The following CNTNAP5 variants were observed in gnomAD, a reference collection of about 807,000 sequenced individuals.
The protein encoded by CNTNAP5 is contactin associated protein family member 5.
In CNTNAP5, 72 loss-of-function variants were observed where a neutral mutation model predicts 150.2. The observed-to-expected ratio is 0.48, with a 90% confidence interval of 0.40 to 0.58. The LOEUF (loss-of-function observed/expected upper bound fraction) is 0.58, where lower values mean the gene tolerates loss of function less well. Among genes scored for constraint, CNTNAP5 ranks in the 20% least tolerant of loss-of-function variants. The pLI, the probability that CNTNAP5 is intolerant of heterozygous loss-of-function variation, is 0.00. For missense variants in CNTNAP5, 1,636 were observed against 1,626.2 expected, an observed-to-expected ratio of 1.01 and a Z score of -0.10; for synonymous variants, 672 against 619.8, an observed-to-expected ratio of 1.08 and a Z score of -1.25.
rs1287460968 is a variant in CNTNAP5 at position 124,600,138 on chromosome 2, CAT to C, written c.1757-9662_1757-9661del. On this transcript the variant is annotated intron_variant, in intron 11 of 23. Coordinates refer to ENST00000682447, the MANE Select transcript of CNTNAP5 (RefSeq NM_001367498.1). The stretch of plus-strand genomic sequence containing the variant: ...TTCCTGAAACAGTTGGTGAATTGCA[CAT>C]GTGTGTTTAACTTTGTTTCCTTACA... 2.6e-5 allele frequency among the ~76,000 whole-genome samples: 4 copies of C among 152,058 alleles called. No individual in the cohort carries two copies. In the East Asian group the frequency reaches 5.8e-4, roughly 22 times the overall value.
At chr2:124,657,111 G>A (rs541471162) in intron 13 of CNTNAP5, among the ~76,000 whole-genome samples, 1 of 152,068 alleles carries the variant, frequency 6.6e-6, no homozygotes, top group East Asian at 1.9e-4. Flanking sequence ...ACTGATAGAG[G>A]GTCTCCCAAT....
intron 11 of CNTNAP5, among the ~76,000 whole-genome samples, chr2:124,595,486 GC>G (rs1477898598): frequency 7.8e-4 from 1 of 1,276 alleles, no homozygotes; most frequent in African/African-American, 1.1e-3. Flanking sequence ...CAGGGATGAA[GC>G]CCACTTGATC....
At chr2:124,733,581 T>C (rs958134884) in intron 13 of CNTNAP5, among the ~76,000 whole-genome samples, 2 of 151,938 alleles carry the variant, frequency 1.3e-5, no homozygotes, top group African/African-American at 4.8e-5. Context: ...CCCAATTTGA[T>C]TGAGGAAGAA....
At chr2:124,818,112 G>A (rs911124335) in intron 19 of CNTNAP5, among the ~76,000 whole-genome samples, 2 of 152,070 alleles carry the variant, frequency 1.3e-5, no homozygotes, top group Admixed American at 6.6e-5. Flanking sequence ...TATATGACAT[G>A]GAAGCTGAGG....
rs552463191 is a variant in CNTNAP5 at position 124,710,361 on chromosome 2, G to A, written c.2078-36868G>A. 1.9e-4 allele frequency among the ~76,000 whole-genome samples: 29 copies of A among 152,234 alleles called. No homozygotes were observed. In the South Asian group the frequency reaches 5.6e-3, roughly 29 times the overall value. ...TTCCATCTTGCAAATTTCTTCATAA[G>A]CAAAATAAAACAAGCTTTGGTAGGG... On this transcript the variant is annotated intron_variant, in intron 13 of 23. Coordinates refer to ENST00000682447, the MANE Select transcript of CNTNAP5 (RefSeq NM_001367498.1).
chr2:124,718,015 T>C (rs1291692291), intron 13 of CNTNAP5, among the ~76,000 whole-genome samples: 3 of 152,188 alleles, frequency 2.0e-5, no homozygotes, highest in East Asian at 1.9e-4. Flanking sequence ...TTCATGTCTA[T>C]GTTACATTAA....
At chr2:124,464,804 G>A (rs1249729228) in intron 6 of CNTNAP5, among the ~76,000 whole-genome samples, 1 of 152,126 alleles carries the variant, frequency 6.6e-6, no homozygotes, top group Non-Finnish European at 1.5e-5. Context: ...GCTGATGATG[G>A]TGTGTTTCTC....
At chr2:124,125,862 C>CAA (rs1238691542) in intron 1 of CNTNAP5, among the ~76,000 whole-genome samples, 3 of 152,028 alleles carry the variant, frequency 2.0e-5, no homozygotes, top group African/African-American at 7.2e-5. Context: ...TCTTTGAAAC[C>CAA]CGTGAGAAAA....
chr2:124,336,619 G>A (rs569815806), intron 3 of CNTNAP5, among the ~76,000 whole-genome samples: 5 of 145,432 alleles, frequency 3.4e-5, no homozygotes, highest in African/African-American at 5.1e-5. Context: ...GTGAGAACAC[G>A]CAGTGTTTGG....
At chr2:124,357,364 G>C (rs1573938344) in intron 3 of CNTNAP5, among the ~76,000 whole-genome samples, 1 of 152,260 alleles carries the variant, frequency 6.6e-6, no homozygotes, top group East Asian at 1.9e-4. Context: ...TGGTGTTGTG[G>C]ACATGAAGTC....
intron 7 of CNTNAP5, among the ~76,000 whole-genome samples, chr2:124,484,485 T>C (rs1158699184): frequency 6.6e-6 from 1 of 152,250 alleles, no homozygotes; most frequent in Non-Finnish European, 1.5e-5. Context: ...AAGCTGTCTC[T>C]GCTTCAGTGT....
intron 3 of CNTNAP5, among the ~76,000 whole-genome samples, chr2:124,362,741 C>T (rs764498482): frequency 3.9e-5 from 6 of 152,140 alleles, no homozygotes; most frequent in Admixed American, 2.0e-4. Flanking sequence ...CTTGAGATTG[C>T]CATCTGTACC....
intron 1 of CNTNAP5, among the ~76,000 whole-genome samples, chr2:124,173,188 A>T (rs532372445): frequency 6.6e-6 from 1 of 152,326 alleles, no homozygotes; most frequent in East Asian, 1.9e-4. Context: ...CCATTCCCCT[A>T]TCTCACTCCC....
At chr2:124,597,078 G>C (rs1696845144) in intron 11 of CNTNAP5, among the ~76,000 whole-genome samples, 1 of 150,634 alleles carries the variant, frequency 6.6e-6, no homozygotes, top group South Asian at 2.2e-4. Flanking sequence ...ACTGAATACA[G>C]CTCTTGACTC....
intron 1 of CNTNAP5, among the ~76,000 whole-genome samples, chr2:124,203,852 A>G (rs1685793833): frequency 1.3e-5 from 2 of 152,230 alleles, no homozygotes; most frequent in Non-Finnish European, 1.5e-5. Flanking sequence ...CTGTGATGGA[A>G]TGGGCTACCA....
chr2:124,563,191 TTTTCA>T, intron 10 of CNTNAP5, 21 bp from the exon 11 acceptor site: 1 of 1,453,122 alleles, frequency 6.9e-7, no homozygotes. Context: ...GTTTATTTTC[TTTTCA>T]TTTATGTTTT....
chr2:124,557,014 CAAA>C (rs760593368), intron 10 of CNTNAP5, among the ~76,000 whole-genome samples: 2 of 128,558 alleles, frequency 1.6e-5, no homozygotes, highest in African/African-American at 2.9e-5. Context: ...CCCCCCCGCT[CAAA>C]AAAAAAAAAA....
intron 3 of CNTNAP5, among the ~76,000 whole-genome samples, chr2:124,308,661 CTGTAGATT>C (rs1048956298): frequency 6.6e-5 from 10 of 152,140 alleles, no homozygotes; most frequent in African/African-American, 2.4e-4. Context: ...GCCTCTTGAA[CTGTAGATT>C]TATCTTCTAA....
At chr2:124,733,821 G>A (rs1046603168) in intron 13 of CNTNAP5, among the ~76,000 whole-genome samples, 2 of 152,176 alleles carry the variant, frequency 1.3e-5, no homozygotes, top group African/African-American at 2.4e-5. Context: ...GACACAGTGA[G>A]CCCACACTGC....
Sources: allele counts gnomAD v4.1 joint callset (sites outside exome capture counted in the v4.1 genomes callset), GRCh38; gene constraint gnomAD v4.1.1; transcripts MANE v1.5; gene names NCBI Gene and HGNC (gene_info 2026-07-23, HGNC 2026-07-21).